The following EFCC1 variants were observed in gnomAD, a reference collection of about 807,000 sequenced individuals.
The protein encoded by EFCC1 is EF-hand and coiled-coil domain-containing protein 1.
Under a neutral mutation model 52.1 loss-of-function variants are expected in EFCC1, and 50 were observed. That is an observed-to-expected ratio of 0.96 (90% CI 0.76 to 1.21). The LOEUF (loss-of-function observed/expected upper bound fraction) is 1.21. Among genes scored for constraint, EFCC1 ranks in the 50% most tolerant of loss-of-function variants. The pLI, the probability that EFCC1 is intolerant of heterozygous loss-of-function variation, is 0.00. For missense variants in EFCC1, 837 were observed against 867.3 expected (o/e 0.97, Z 0.44); for synonymous variants, 399 against 396.5 (o/e 1.01, Z -0.08).
intron 1 of EFCC1, chr3:129,003,393 C>G: frequency 1.6e-6 from 1 of 641,456 alleles, no homozygotes; most frequent in African/African-American, 2.0e-5. Flanking sequence ...TGAGCAGGCA[C>G]GGGGAGGGCT....
At position 129,032,868 on chromosome 3, in the gene EFCC1, CGAGGAGGAGGTG is replaced by C; in HGVS notation, c.1198_1209del (p.Val400_Glu403del). 1 of 1,551,486 alleles carries C rather than the reference CGAGGAGGAGGTG, an allele frequency of 6.4e-7. No homozygotes were observed. Among genetic ancestry groups the C allele is most frequent in the Non-Finnish European group, 8.7e-7 (1 of 1,146,922 alleles). On this transcript the variant is annotated inframe_deletion, in exon 4 of 8. Transcript: ENST00000683648. The stretch of plus-strand genomic sequence containing the variant: ...CCGTGGAGGGCCAGGCCGCCTCTGA[CGAGGAGGAGGTG>C]GAGGAGGAGAGGTGGCAGGAGGAGA...
rs1576694311 is a variant in EFCC1 at position 129,003,854 on chromosome 3, G to C, written c.757G>C (p.Ala253Pro). The change falls in exon 2 of 8, where the codon GCG becomes CCG. Residue 253 changes from alanine (A) to proline (P), a missense_variant. By Grantham distance (27) the Ala-to-Pro change is conservative (BLOSUM62 -1). Coordinates refer to ENST00000683648, the MANE Select transcript of EFCC1 (RefSeq NM_001377500.1). ...GATGGGGCACGGCGGGCCGGAGGCT[G>C]CGGTGCGGGAGCTGCGTCAGGCGCA... ...HEMGHGGPEA[A>P]VRELRQAQGA... is the part of the protein sequence containing the mutation. The C allele has an allele frequency of 6.9e-7, 1 of 1,452,494 alleles. No homozygotes were observed. The highest frequency in any genetic ancestry group is 3.0e-5 in the East Asian group (1 of 32,852). The allele number at this position is 1,452,494 out of a possible 1,614,324, so 90.0% of individuals were successfully genotyped here. A position where few individuals can be genotyped will look rare whatever the true frequency, so the allele number is the denominator to read the frequency against.
intron 2 of EFCC1, among the ~76,000 whole-genome samples, chr3:129,023,950 C>A (rs558278751): frequency 6.6e-6 from 1 of 152,282 alleles, no homozygotes; most frequent in East Asian, 1.9e-4. Flanking sequence ...AATCCAAGAG[C>A]AGGTGAATAG....
intron 2 of EFCC1, among the ~76,000 whole-genome samples, chr3:129,020,202 A>G (rs147173097): frequency 5.3e-4 from 81 of 152,324 alleles, no homozygotes; most frequent in African/African-American, 1.9e-3. Context: ...GAGAAACAGA[A>G]AAGGAAAGAT....
At chr3:129,004,191 G>A in intron 2 of EFCC1, 114 bp downstream of exon 2, 1 of 1,236,594 alleles carries the variant, frequency 8.1e-7, no homozygotes, top group Non-Finnish European at 1.0e-6. Context: ...GTTTCTCCAT[G>A]CGTTTATTCA....
intron 2 of EFCC1, among the ~76,000 whole-genome samples, chr3:129,020,795 C>A (rs1945806191): frequency 6.6e-6 from 1 of 152,120 alleles, no homozygotes; most frequent in Non-Finnish European, 1.5e-5. Context: ...GGGGAGGGAG[C>A]CAGGAAGGTT....
At chr3:129,036,932 T>C (rs372755170) in intron 5 of EFCC1, 45 bp from the exon 6 acceptor site, 1 of 1,612,298 alleles carries the variant, frequency 6.2e-7, no homozygotes, top group Admixed American at 1.7e-5. Flanking sequence ...CCTGGAAGGC[T>C]GGGAGAGGCC....
In EFCC1 at chr3:129,039,805, C is replaced by T. The variant is rs1372607336; in HGVS notation, c.1757C>T (p.Ser586Phe). 2 of 1,612,128 alleles carry T rather than the reference C, an allele frequency of 1.2e-6. No homozygotes were observed. The highest frequency in any genetic ancestry group is 2.2e-5 in the South Asian group (2 of 90,856). The change falls in exon 8 of 8, where the codon TCT becomes TTT. Residue 586 changes from serine to phenylalanine, a missense_variant. Physicochemically the swap from Ser to Phe is radical, Grantham distance 155. Coordinates refer to ENST00000683648, the MANE Select transcript of EFCC1 (RefSeq NM_001377500.1). ...LLRRQPSAPA[S>F]AAAALTNPLL... is the part of the protein sequence containing the mutation. ...CGGAGACAGCCCTCGGCACCAGCCTCTGCAGCAGCTGCGCTCACCAACCCC... is the reference window on the plus strand; with the variant it reads ...CGGAGACAGCCCTCGGCACCAGCCTTTGCAGCAGCTGCGCTCACCAACCCC...
Position 129,009,007 on chromosome 3 carries a change from G to A in EFCC1, c.980+4930G>A, listed in dbSNP as rs374356970. On this transcript the variant is annotated intron_variant, in intron 2 of 7. Coordinates refer to ENST00000683648, the MANE Select transcript of EFCC1 (RefSeq NM_001377500.1). The stretch of plus-strand genomic sequence containing the variant: ...ATAGTAGACATTACTGATTATTGGC[G>A]GGGTGGGGGGCGGGGCGGGAATCTG... 2.5e-4 allele frequency among the ~76,000 whole-genome samples: 33 copies of A among 134,120 alleles called. No homozygotes were observed. In the South Asian group the frequency reaches 8.4e-3, roughly 34 times the overall value. 88.0% of individuals were successfully genotyped at this position (134,120 alleles called of 152,430 possible).
At chr3:129,015,976 G>T (rs980464984) in intron 2 of EFCC1, among the ~76,000 whole-genome samples, 9 of 152,192 alleles carry the variant, frequency 5.9e-5, no homozygotes, top group African/African-American at 1.9e-4. Context: ...GCTGGGTTCT[G>T]AGGGACCTGT....
rs565251802 is a variant in EFCC1 at position 129,014,457 on chromosome 3, C to T, written c.980+10380C>T. 6.6e-6 allele frequency among the ~76,000 whole-genome samples: 1 copy of T among 152,234 alleles called. No homozygotes were observed. Among genetic ancestry groups the T allele is most frequent in the Non-Finnish European group, 1.5e-5 (1 of 68,044 alleles). On this transcript the variant is annotated intron_variant, in intron 2 of 7. Transcript: ENST00000683648. The surrounding 1 kb of genome is among the most constrained non-coding windows in gnomAD (Gnocchi z 4.3). ...GGGCCGCCTTCTCCCTGTATCCTCG[C>T]GTGGTCTTCCTTCTGTGTGTATTTC...
chr3:129,020,017 C>T (rs777436852), intron 2 of EFCC1, among the ~76,000 whole-genome samples: 19 of 152,196 alleles, frequency 1.2e-4, no homozygotes, highest in Admixed American at 3.3e-4. Flanking sequence ...GATCCACCTA[C>T]CTCAGCCTCC....
chr3:129,036,591 A>G (rs1946356470), intron 5 of EFCC1, among the ~76,000 whole-genome samples: 1 of 152,100 alleles, frequency 6.6e-6, no homozygotes, highest in Non-Finnish European at 1.5e-5. Context: ...TGGCTCTTGG[A>G]TAAGAGGCTT....
At chr3:129,030,250 T>C (rs1163881735) in intron 2 of EFCC1, among the ~76,000 whole-genome samples, 1 of 152,096 alleles carries the variant, frequency 6.6e-6, no homozygotes, top group African/African-American at 2.4e-5. Context: ...TCCCCTATAA[T>C]AAGAAGTACA....
At position 129,009,839 on chromosome 3, in the gene EFCC1, C is replaced by T. The variant is rs113267882; in HGVS notation, c.980+5762C>T. ...TCTGGAGGTCAGCTTTTCCTGGATG[C>T]TGGGTGCTTTGGGAGTGGTTTCGGG... On this transcript the variant is annotated intron_variant, in intron 2 of 7. Coordinates refer to ENST00000683648, the MANE Select transcript of EFCC1 (RefSeq NM_001377500.1). Among the ~76,000 whole-genome samples the T allele has an allele frequency of 3.8e-3, 585 of 152,340 alleles. 6 individuals are homozygous for T. Among genetic ancestry groups the T allele is most frequent in the African/African-American group, 0.013 (544 of 41,580 alleles).
At chr3:129,009,165 TCTCTC>T (rs1340947211) in intron 2 of EFCC1, among the ~76,000 whole-genome samples, 1 of 152,180 alleles carries the variant, frequency 6.6e-6, no homozygotes, top group Non-Finnish European at 1.5e-5. Flanking sequence ...CCACCTTTCT[TCTCTC>T]CTCTGTTTTC....
chr3:129,032,907 G>A lies in EFCC1; in HGVS notation c.1227G>A (p.Lys409=), dbSNP rs1323664768. 1.3e-6 allele frequency: 2 copies of A among 1,551,204 alleles called. No individual in the cohort carries two copies. The highest frequency in any genetic ancestry group is 3.9e-5 in the Admixed American group (2 of 50,992). ...EVEEERWQEE[K]KTPAAEAKTL... Reference sequence around the variant, plus strand: ...AGGAGGAGAGGTGGCAGGAGGAGAAGAAGACGCCGGCAGCCGAGGCCAAGA... The same window carrying A: ...AGGAGGAGAGGTGGCAGGAGGAGAAAAAGACGCCGGCAGCCGAGGCCAAGA... Residue 409 remains lysine (K), a synonymous_variant, in exon 4 of 8, where the codon AAG becomes AAA. Transcript: ENST00000683648.
At chr3:129,004,840 G>A (rs985746215) in intron 2 of EFCC1, among the ~76,000 whole-genome samples, 1 of 152,142 alleles carries the variant, frequency 6.6e-6, no homozygotes, top group African/African-American at 2.4e-5. Flanking sequence ...AGGGCAGGAA[G>A]CTGGACTTGG....
intron 4 of EFCC1, 48 bp downstream of exon 4, chr3:129,033,014 G>A (rs992819371): frequency 1.5e-5 from 22 of 1,451,350 alleles, no homozygotes; most frequent in Middle Eastern, 2.5e-4. Flanking sequence ...AGGCTCCAGA[G>A]GTGTCTGGGG....
Sources: gnomAD v4.1 joint callset for allele counts (sites outside exome capture counted in the v4.1 genomes callset) on GRCh38, gnomAD v4.1.1 for gene constraint, Gnocchi (gnomAD v3.1) non-coding constraint, MANE v1.5 for transcripts, NCBI Gene and HGNC (gene_info 2026-07-23, HGNC 2026-07-21) for gene names.